The following CHM variants were observed in gnomAD, a reference collection of about 807,000 sequenced individuals.
CHM encodes the protein rab proteins geranylgeranyltransferase component A 1.
A neutral mutation model predicts 49.0 loss-of-function variants in CHM; 10 were observed. The ratio of observed to expected loss-of-function variants is 0.20; its 90% CI spans 0.13 to 0.35. The LOEUF (loss-of-function observed/expected upper bound fraction) is 0.35. CHM is among the 10% of genes least tolerant of loss of function. CHM has a pLI of 1.00. For missense variants in CHM, 455 were observed against 478.4 expected (o/e 0.95, Z 0.46); for synonymous variants, 184 against 167.5 (o/e 1.10, Z -0.76).
In CHM at chrX:85,958,359, G is replaced by A. The variant is rs190865179; in HGVS notation, c.820-384C>T. 2.4e-3 allele frequency among the ~76,000 whole-genome samples: 271 copies of A among 111,835 alleles called. 2 individuals carry two copies. The highest frequency in any genetic ancestry group is 3.9e-3 in the Non-Finnish European group (205 of 53,191). On this transcript the variant is annotated intron_variant, in intron 6 of 14. Coordinates refer to ENST00000357749, the MANE Select transcript of CHM (RefSeq NM_000390.4). Reference sequence around the variant, plus strand: ...TCAGTGAAACTTCAGAGGCTTAAGAGGGAGTGTTTCCCTTGGCCCCTACAG... The same window carrying A: ...TCAGTGAAACTTCAGAGGCTTAAGAAGGAGTGTTTCCCTTGGCCCCTACAG...
rs112250839 is a variant in CHM at position 86,023,708 on chromosome X, C to G, written c.116+3783G>C. On this transcript the variant is annotated intron_variant, in intron 2 of 14. Transcript: ENST00000357749. Reference sequence around the variant, plus strand: ...TTGATGACACTAAAAGTCAAGGTTACTGACTGCATACTTTAATTTTTAGCC... The same window carrying G: ...TTGATGACACTAAAAGTCAAGGTTAGTGACTGCATACTTTAATTTTTAGCC... 3.9e-3 allele frequency among the ~76,000 whole-genome samples: 434 copies of G among 111,686 alleles called. 3 individuals carry two copies. The highest frequency in any genetic ancestry group is 5.6e-3 in the Non-Finnish European group (296 of 53,120).
At chrX:85,872,282 T>C (rs185288909) in intron 14 of CHM, among the ~76,000 whole-genome samples, 59 of 112,236 alleles carry the variant, frequency 5.3e-4, no homozygotes, top group Non-Finnish European at 1.9e-4. Context: ...GATGTGCCAG[T>C]TCTACCCGTG....
At chrX:85,938,055 T>C (rs1450907235) in intron 8 of CHM, among the ~76,000 whole-genome samples, 1 of 111,938 alleles carries the variant, frequency 8.9e-6, no homozygotes, top group East Asian at 2.8e-4. Flanking sequence ...TAAGGAATAA[T>C]GCAGGCAAGG....
At chrX:85,909,856 G>T (rs1169644541) in intron 9 of CHM, among the ~76,000 whole-genome samples, 1 of 111,741 alleles carries the variant, frequency 8.9e-6, no homozygotes, top group African/African-American at 3.2e-5. Context: ...TTCATTATCT[G>T]GCTTTCTGTC....
chrX:86,021,623 T>C (rs1185282119), intron 2 of CHM, among the ~76,000 whole-genome samples: 1 of 110,905 alleles, frequency 9.0e-6, no homozygotes, highest in African/African-American at 3.3e-5. Flanking sequence ...TGGCACTTCC[T>C]AAAAAATTAA....
chrX:85,996,953 G>T, intron 2 of CHM, among the ~76,000 whole-genome samples: 1 of 111,724 alleles, frequency 9.0e-6, no homozygotes, highest in Middle Eastern at 4.6e-3. Flanking sequence ...AGTTTTTAAA[G>T]ATTTTTCTTC....
intron 1 of CHM, among the ~76,000 whole-genome samples, chrX:86,039,016 T>C (rs1308140782): frequency 1.8e-5 from 2 of 112,502 alleles, no homozygotes; most frequent in African/African-American, 6.5e-5. Flanking sequence ...TTCACCTACA[T>C]CAAACTTAGC....
At chrX:85,896,324 C>G (rs1433635723) in intron 11 of CHM, among the ~76,000 whole-genome samples, 1 of 110,627 alleles carries the variant, frequency 9.0e-6, no homozygotes, top group Non-Finnish European at 1.9e-5. Flanking sequence ...TGATGAGAAC[C>G]TAACTGAACA....
At chrX:85,930,353 G>C (rs1266684735) in intron 8 of CHM, among the ~76,000 whole-genome samples, 1 of 111,241 alleles carries the variant, frequency 9.0e-6, no homozygotes, top group Non-Finnish European at 1.9e-5. Context: ...TCTTTGGACA[G>C]GGAAGCAGTC....
chrX:85,923,936 G>C (rs1927943195), intron 8 of CHM, among the ~76,000 whole-genome samples: 1 of 111,294 alleles, frequency 9.0e-6, no homozygotes, highest in African/African-American at 3.3e-5. Flanking sequence ...AGCTAGCTCA[G>C]TGTATTTGAA....
At chrX:85,870,007 G>A (rs1923947436) in intron 14 of CHM, among the ~76,000 whole-genome samples, 1 of 111,821 alleles carries the variant, frequency 8.9e-6, no homozygotes, top group Admixed American at 9.5e-5. Context: ...TAGGATGTAT[G>A]CCTACTCATA....
At chrX:85,871,304 C>A (rs868038782) in intron 14 of CHM, among the ~76,000 whole-genome samples, 662 of 61,824 alleles carry the variant, frequency 0.011, no homozygotes, top group Non-Finnish European at 0.013. Flanking sequence ...AAGACTGTCT[C>A]AAAAAAAAAA....
chrX:85,998,500 T>G (rs1468572849), intron 2 of CHM, among the ~76,000 whole-genome samples: 4 of 112,145 alleles, frequency 3.6e-5, no homozygotes, highest in African/African-American at 1.3e-4. Context: ...AAAAATATCA[T>G]AAATCAAAAA....
chrX:85,937,492 G>A (rs752274465), intron 8 of CHM, among the ~76,000 whole-genome samples: 1 of 109,040 alleles, frequency 9.2e-6, no homozygotes, highest in South Asian at 4.0e-4. Flanking sequence ...ATCTACCTAT[G>A]AGGGTAATCT....
intron 2 of CHM, among the ~76,000 whole-genome samples, chrX:85,988,364 T>C (rs1418652111): frequency 9.0e-6 from 1 of 111,632 alleles, no homozygotes; most frequent in East Asian, 2.8e-4. Context: ...CTCAAAATAA[T>C]AAGAACAATC....
intron 4 of CHM, chrX:85,970,582 C>T (rs966720166): frequency 1.0e-5 from 3 of 292,155 alleles, no homozygotes; most frequent in Non-Finnish European, 1.4e-5. Context: ...CCTTGAGCTT[C>T]TGTTTGTCAG....
chrX:85,946,182 C>CT lies in CHM; in HGVS notation c.1166+9970dup, dbSNP rs771661269. 5.3e-4 allele frequency among the ~76,000 whole-genome samples: 60 copies of CT among 112,341 alleles called. 1 individual carries two copies. The Middle Eastern group carries it at 0.014, about 26-fold the overall frequency. On this transcript the variant is annotated intron_variant, in intron 8 of 14. Coordinates refer to ENST00000357749, the MANE Select transcript of CHM (RefSeq NM_000390.4). The stretch of plus-strand genomic sequence containing the variant: ...TGTAAAAGTTTAGAAAACTTGTAGC[C>CT]TGGCCGTGTGGTAGAAAAGAAAAGC...
At chrX:85,906,663 C>A (rs1465923973) in intron 9 of CHM, among the ~76,000 whole-genome samples, 1 of 111,763 alleles carries the variant, frequency 8.9e-6, no homozygotes, top group East Asian at 2.8e-4. Flanking sequence ...ACTTCTTTAT[C>A]CCCATAACAA....
intron 9 of CHM, among the ~76,000 whole-genome samples, chrX:85,908,296 C>G (rs1926726971): frequency 9.0e-6 from 1 of 111,703 alleles, no homozygotes; most frequent in African/African-American, 3.3e-5. Flanking sequence ...CAAGTCCTAA[C>G]AAAATATCTC....
Sources: allele counts gnomAD v4.1 joint callset (sites outside exome capture counted in the v4.1 genomes callset), GRCh38; gene constraint gnomAD v4.1.1; transcripts MANE v1.5; gene names NCBI Gene and HGNC (gene_info 2026-07-23, HGNC 2026-07-21).